UBASH3B: variants seen among roughly 807,000 people sequenced by gnomAD.
The protein encoded by UBASH3B is ubiquitin-associated and SH3 domain-containing protein B.
UBASH3B carries 37 observed loss-of-function variants against 83.4 expected under a neutral mutation model. That is an observed-to-expected ratio of 0.44 (90% CI 0.34 to 0.58). The LOEUF is 0.58. Ranked by LOEUF, UBASH3B falls within the 20% of genes least tolerant of loss-of-function variation. The pLI is 0.01. For missense variants in UBASH3B, 657 were observed against 827.2 expected (o/e 0.79, Z 2.52); for synonymous variants, 304 against 318.3 (o/e 0.96, Z 0.48).
In UBASH3B at chr11:122,776,923, C is replaced by T. The variant is rs577949024; in HGVS notation, c.216-101C>T. ...ATGAAAACCCTTCCCCGCGCTGTGC[C>T]GGGGATTTGGAGCACATGGAGGGTG... On this transcript the variant is annotated intron_variant, in intron 2 of 13. Coordinates refer to ENST00000284273, the MANE Select transcript of UBASH3B (RefSeq NM_032873.5). 2.4e-4 allele frequency: 281 copies of T among 1,155,540 alleles called. 4 individuals carry two copies. The South Asian group carries it at 4.1e-3, about 17-fold the overall frequency. 71.6% of individuals were successfully genotyped at this position (1,155,540 alleles called of 1,614,324 possible). A position where few individuals can be genotyped will look rare whatever the true frequency, so the allele number is the denominator to read the frequency against.
At chr11:122,701,213 A>G (rs1240881051) in intron 1 of UBASH3B, among the ~76,000 whole-genome samples, 1 of 152,132 alleles carries the variant, frequency 6.6e-6, no homozygotes, top group East Asian at 1.9e-4. Flanking sequence ...GGATTTAAGG[A>G]TGTTATTGAT....
At chr11:122,687,911 TATC>T (rs1441208259) in intron 1 of UBASH3B, among the ~76,000 whole-genome samples, 2 of 152,230 alleles carry the variant, frequency 1.3e-5, no homozygotes, top group African/African-American at 2.4e-5. Flanking sequence ...ATAATAATGA[TATC>T]ATAATAGTTG....
At chr11:122,782,781 G>GGACTT (rs1860877715) in intron 4 of UBASH3B, 1 of 357,318 alleles carries the variant, frequency 2.8e-6, no homozygotes, top group African/African-American at 2.1e-5. Context: ...GTTGTGAGAA[G>GGACTT]GACTTAACTA....
At chr11:122,673,977 A>G (rs1863633379) in intron 1 of UBASH3B, among the ~76,000 whole-genome samples, 1 of 152,080 alleles carries the variant, frequency 6.6e-6, no homozygotes, top group Admixed American at 6.6e-5. Context: ...ATTTCCTGTT[A>G]ATAGGGCTGT....
intron 1 of UBASH3B, among the ~76,000 whole-genome samples, chr11:122,671,157 C>T (rs1275517564): frequency 6.6e-6 from 1 of 152,194 alleles, no homozygotes; most frequent in African/African-American, 2.4e-5. Flanking sequence ...TGTGGCGCTC[C>T]TCAGTGCGCA....
At chr11:122,686,727 C>A (rs1450921953) in intron 1 of UBASH3B, among the ~76,000 whole-genome samples, 1 of 152,160 alleles carries the variant, frequency 6.6e-6, no homozygotes, top group Non-Finnish European at 1.5e-5. Flanking sequence ...AGTGAAATAA[C>A]TAGTCCAGGT....
At chr11:122,710,170 A>G (rs1341570517) in intron 1 of UBASH3B, among the ~76,000 whole-genome samples, 1 of 151,922 alleles carries the variant, frequency 6.6e-6, no homozygotes, top group Non-Finnish European at 1.5e-5. Context: ...AAAAAAAAAA[A>G]AAGCATTCTG....
At chr11:122,690,197 T>TATA (rs1555135515) in intron 1 of UBASH3B, among the ~76,000 whole-genome samples, 1 of 25,628 alleles carries the variant, frequency 3.9e-5, no homozygotes, top group Non-Finnish European at 7.8e-5. Flanking sequence ...TATATATATA[T>TATA]ATATATATAT....
chr11:122,768,502 GTGTGTGTA>G lies in UBASH3B; in HGVS notation c.162-7715_162-7708del, dbSNP rs1436067498. 3.0e-3 allele frequency among the ~76,000 whole-genome samples: 405 copies of G among 135,100 alleles called. 1 individual carries two copies. The highest frequency in any genetic ancestry group is 0.024 in the Middle Eastern group (6 of 254). 88.6% of individuals were successfully genotyped at this position (135,100 alleles called of 152,430 possible). A position where few individuals can be genotyped will look rare whatever the true frequency, so the allele number is the denominator to read the frequency against. On this transcript the variant is annotated intron_variant, in intron 1 of 13. Transcript: ENST00000284273. ...TGTGTGTGTGTGTGTGTGTGTGTGT[GTGTGTGTA>G]TATATATATATTTGAGACTGAGCCT...
intron 1 of UBASH3B, among the ~76,000 whole-genome samples, chr11:122,729,125 C>T (rs568103777): frequency 1.3e-5 from 2 of 152,306 alleles, no homozygotes; most frequent in Admixed American, 6.5e-5. Flanking sequence ...GGCTCAGTGA[C>T]CTAAATCCTG....
At position 122,771,295 on chromosome 11, in the gene UBASH3B, C is replaced by T. The variant is rs183522540; in HGVS notation, c.162-4924C>T. On this transcript the variant is annotated intron_variant, in intron 1 of 13. Transcript: ENST00000284273. ...TCACCCAGGGTGGAGTGCAATGGCA[C>T]GACCTCGGCTCACTGCATCCTCCGC... 1.7e-3 allele frequency among the ~76,000 whole-genome samples: 254 copies of T among 151,452 alleles called. 2 individuals are homozygous for T. Among genetic ancestry groups the T allele is most frequent in the African/African-American group, 6.0e-3 (247 of 41,234 alleles).
rs556699083 is a variant in UBASH3B, at chr11:122,754,891, G to A, written c.162-21328G>A. Among the ~76,000 whole-genome samples, 6 of 152,290 alleles carry A rather than the reference G, an allele frequency of 3.9e-5. No homozygotes were observed. In the East Asian group the frequency reaches 9.7e-4, roughly 25 times the overall value. ...AGGTCATACCGCTAGTGACAGAGCA[G>A]GACTAGACCCCTGACTCTACCACCA... On this transcript the variant is annotated intron_variant, in intron 1 of 13. Transcript: ENST00000284273.
intron 1 of UBASH3B, among the ~76,000 whole-genome samples, chr11:122,745,344 C>T (rs375502039): frequency 9.2e-5 from 14 of 152,176 alleles, no homozygotes; most frequent in African/African-American, 3.4e-4. Flanking sequence ...TGGCAGGGGT[C>T]AGTGCATTCA....
intron 7 of UBASH3B, 74 bp from the exon 8 acceptor site, chr11:122,796,082 C>T (rs4936746): frequency 0.13 from 202,599 of 1,582,446 alleles, 13,947 homozygotes; most frequent in Admixed American, 0.26. Flanking sequence ...GAGCTCAGCT[C>T]ACCTGGCACC....
chr11:122,751,723 A>T (rs969910858), intron 1 of UBASH3B, among the ~76,000 whole-genome samples: 1 of 152,120 alleles, frequency 6.6e-6, no homozygotes, highest in African/African-American at 2.4e-5. Flanking sequence ...AGCCTGGCTT[A>T]TTTTCCTAGA....
chr11:122,787,362 A>G (rs538132444), intron 5 of UBASH3B, among the ~76,000 whole-genome samples: 1 of 152,218 alleles, frequency 6.6e-6, no homozygotes, highest in African/African-American at 2.4e-5. Flanking sequence ...GGAGGCAATC[A>G]GAGCAGGGAA....
At chr11:122,678,557 C>T (rs991370832) in intron 1 of UBASH3B, among the ~76,000 whole-genome samples, 1 of 152,206 alleles carries the variant, frequency 6.6e-6, no homozygotes, top group African/African-American at 2.4e-5. Flanking sequence ...TTCCACATGA[C>T]TCACTAGTAT....
In UBASH3B at chr11:122,794,704, C is replaced by A; in HGVS notation, c.983C>A (p.Ser328Tyr). ...DECSTWIFHG[S>Y]YSILNTSSSN... ...ACCTTCCTTATCTTCCTCTGCAGTTCTTATTCAATCTTAAATACATCGTCA... is the reference window on the plus strand; with the variant it reads ...ACCTTCCTTATCTTCCTCTGCAGTTATTATTCAATCTTAAATACATCGTCA... Residue 328 changes from serine to tyrosine, a missense_variant and splice_region_variant, in exon 7 of 14, where the codon TCT becomes TAT. This residue lies in a region of UBASH3B where 573 missense variants were observed against 739.0 expected (regional missense o/e 0.78). Transcript: ENST00000284273. The A allele has an allele frequency of 2.5e-6, 4 of 1,614,088 alleles. No homozygotes were observed. The highest frequency in any genetic ancestry group is 3.4e-6 in the Non-Finnish European group (4 of 1,180,008).
intron 1 of UBASH3B, among the ~76,000 whole-genome samples, chr11:122,735,873 A>G (rs1860924216): frequency 6.6e-6 from 1 of 152,204 alleles, no homozygotes; most frequent in African/African-American, 2.4e-5. Flanking sequence ...TTTGGACACC[A>G]TCATGGAGCA....
Sources: allele counts gnomAD v4.1 joint callset (sites outside exome capture counted in the v4.1 genomes callset), GRCh38; gene constraint gnomAD v4.1.1; regional missense constraint gnomAD v4.1.1; transcripts MANE v1.5; gene names NCBI Gene and HGNC (gene_info 2026-07-23, HGNC 2026-07-21).